The following EVC variants were observed in gnomAD, a reference collection of about 807,000 sequenced individuals.
The protein encoded by EVC is EvC ciliary complex subunit 1.
Under a neutral mutation model 118.9 loss-of-function variants are expected in EVC, and 116 were observed. The observed-to-expected ratio is 0.98, with a 90% confidence interval of 0.84 to 1.14. The LOEUF is 1.14. Among genes scored for constraint, EVC ranks in the 50% most tolerant of loss-of-function variants. EVC has a pLI of 0.00. For missense variants in EVC, 1,401 were observed against 1,246.4 expected (o/e 1.12, Z -1.87); for synonymous variants, 619 against 534.7 (o/e 1.16, Z -2.18).
intron 2 of EVC, among the ~76,000 whole-genome samples, chr4:5,727,029 T>G (rs1442086818): frequency 6.6e-6 from 1 of 152,124 alleles, no homozygotes; most frequent in Admixed American, 6.5e-5. Context: ...CCGCAATAAA[T>G]ATACATGTGC....
chr4:5,728,482 A>G (rs7375490), intron 2 of EVC, among the ~76,000 whole-genome samples: 18,983 of 151,554 alleles, frequency 0.13, 1,368 homozygotes, highest in East Asian at 0.29. Context: ...GGCTGAGACA[A>G]TGGGGTTTTC....
chr4:5,815,205 C>T (rs1417656869), downstream of EVC, among the ~76,000 whole-genome samples: 4 of 152,056 alleles, frequency 2.6e-5, no homozygotes, highest in African/African-American at 9.7e-5. Context: ...TAAGCCCACT[C>T]CCGGGTCTCG....
Position 5,719,355 on chromosome 4 carries a change from G to T in EVC, c.282G>T (p.Lys94Asn). ...RRRKREVQMS[K>N]DKEAVDECEP... ...GGAAGAGAGAAGTGCAGATGTCGAA[G>T]GACAAGGAAGCTGTTGATGTAAGCT... Residue 94 changes from lysine to asparagine, a missense_variant, in exon 2 of 21, where the codon AAG (lysine) becomes AAT (asparagine). By Grantham distance (94) the Lys-to-Asn change is moderately conservative. Coordinates refer to ENST00000264956, the MANE Select transcript of EVC (RefSeq NM_153717.3). This position sits in a 1 kb window ranked among gnomAD's most constrained non-coding sequence, Gnocchi z 4.7. 2 of 1,614,184 alleles carry T rather than the reference G, an allele frequency of 1.2e-6. No individual in the cohort carries two copies. The highest frequency in any genetic ancestry group is 2.7e-5 in the African/African-American group (2 of 75,040).
chr4:5,721,323 C>T (rs962352118), intron 2 of EVC, among the ~76,000 whole-genome samples: 1 of 152,014 alleles, frequency 6.6e-6, no homozygotes, highest in African/African-American at 2.4e-5. Context: ...GGTTATTTGG[C>T]CATAAAATAA....
At position 5,762,694 on chromosome 4, in the gene EVC, T is replaced by A. The variant is rs1439399172; in HGVS notation, c.1563+6332T>A. ...TTCATGTGTTTTTTGGCTGCATAAA[T>A]GTCTTCTTTTGAGAAGTGTCTGTTC... is the stretch of plus-strand genomic sequence containing the variant. On this transcript the variant is annotated intron_variant, in intron 11 of 20. Transcript: ENST00000264956. 2.2e-3 allele frequency among the ~76,000 whole-genome samples: 316 copies of A among 143,768 alleles called. 1 individual carries two copies. Among genetic ancestry groups the A allele is most frequent in the African/African-American group, 8.0e-3 (307 of 38,420 alleles). The allele number at this position is 143,768 out of a possible 152,430, so 94.3% of individuals were successfully genotyped here.
intron 11 of EVC, among the ~76,000 whole-genome samples, chr4:5,777,508 C>A (rs1430544702): frequency 6.6e-6 from 1 of 152,150 alleles, no homozygotes; most frequent in Non-Finnish European, 1.5e-5. Flanking sequence ...TAGGTAAAAG[C>A]CGCCCAAAGA....
At chr4:5,711,891 G>A (rs1159983035) in intron 1 of EVC, among the ~76,000 whole-genome samples, 1 of 152,192 alleles carries the variant, frequency 6.6e-6, no homozygotes, top group Non-Finnish European at 1.5e-5. Flanking sequence ...ACAGAAGGAC[G>A]GCTGGGGCTC....
At chr4:5,729,899 G>A (rs184794400) in intron 3 of EVC, among the ~76,000 whole-genome samples, 2 of 152,304 alleles carry the variant, frequency 1.3e-5, no homozygotes, top group East Asian at 1.9e-4. Context: ...CACGTGACAG[G>A]AAGTGGCAGA....
chr4:5,716,711 G>A (rs1448439208), intron 1 of EVC, among the ~76,000 whole-genome samples: 1 of 152,162 alleles, frequency 6.6e-6, no homozygotes, highest in Non-Finnish European at 1.5e-5. Context: ...TTACCTTCTT[G>A]CTTATCAAGT....
At chr4:5,752,190 C>T (rs527917561) in intron 8 of EVC, among the ~76,000 whole-genome samples, 53 of 152,174 alleles carry the variant, frequency 3.5e-4, no homozygotes, top group African/African-American at 1.2e-3. Context: ...GCCGTCCGCT[C>T]CTCCTTTCCC....
Position 5,756,473 on chromosome 4 carries a change from A to G in EVC, c.1563+111A>G, listed in dbSNP as rs1731193455. 1 of 858,564 alleles carries G rather than the reference A, an allele frequency of 1.2e-6. No homozygotes were observed. Among genetic ancestry groups the G allele is most frequent in the African/African-American group, 1.7e-5 (1 of 60,016 alleles). 53.2% of individuals were successfully genotyped at this position (858,564 alleles called of 1,614,324 possible). ...AGAGGTGGTTCAGGTCCAACCCCGC[A>G]CTCATTGGCCGGTGATCCACGCAGG... On this transcript the variant is annotated intron_variant, in intron 11 of 20. Coordinates refer to ENST00000264956, the MANE Select transcript of EVC (RefSeq NM_153717.3). This position sits in a 1 kb window ranked among gnomAD's most constrained non-coding sequence, Gnocchi z 4.2.
chr4:5,793,704 G>C lies in EVC; in HGVS notation c.1873G>C (p.Gly625Arg). ...CCGCGGCGTCTTGGGCCGACTGGGC[G>C]GCCTCACTGAAGAGTGAGTACAGCT... ...TIRGVLGRLG[G>R]LTEESTRCVL... The change falls in exon 13 of 21, where the codon GGC (glycine) becomes CGC (arginine). Residue 625 changes from glycine (G) to arginine (R), a missense_variant. Transcript: ENST00000264956. 2 of 1,550,314 alleles carry C rather than the reference G, an allele frequency of 1.3e-6. No homozygotes were observed. Among genetic ancestry groups the C allele is most frequent in the Non-Finnish European group, 1.7e-6 (2 of 1,147,144 alleles).
At chr4:5,711,675 A>G (rs977722105) in intron 1 of EVC, 121 bp downstream of exon 1, 1 of 842,632 alleles carries the variant, frequency 1.2e-6, no homozygotes. Flanking sequence ...TTCGCACGCA[A>G]CCGCTTAGGC....
intron 11 of EVC, among the ~76,000 whole-genome samples, chr4:5,780,700 G>T (rs981481532): frequency 6.6e-6 from 1 of 152,174 alleles, no homozygotes; most frequent in African/African-American, 2.4e-5. Context: ...AAGGTTGGTG[G>T]GTGCTGGAAG....
intron 15 of EVC, among the ~76,000 whole-genome samples, chr4:5,800,576 ACTTTACTGT>A (rs1483644964): frequency 1.4e-4 from 21 of 152,190 alleles, no homozygotes; most frequent in Non-Finnish European, 2.5e-4. Flanking sequence ...GGTGTCCGCC[ACTTTACTGT>A]GGCAGGAAGG....
Position 5,798,882 on chromosome 4 carries a change from C to G in EVC, c.2304+90C>G. 2 of 1,381,128 alleles carry G rather than the reference C, an allele frequency of 1.4e-6. No homozygotes were observed. The allele number at this position is 1,381,128 out of a possible 1,614,324, so 85.6% of individuals were successfully genotyped here. A position where few individuals can be genotyped will look rare whatever the true frequency, so the allele number is the denominator to read the frequency against. On this transcript the variant is annotated intron_variant, in intron 15 of 20. Transcript: ENST00000264956. The surrounding 1 kb of genome is among the most constrained non-coding windows in gnomAD (Gnocchi z 4.1). Reference sequence around the variant, plus strand: ...TGGGTCTGCTCCTTGCCACACCGTTCATGGAGCTTGTGGCCTAGTAGACTT... The same window carrying G: ...TGGGTCTGCTCCTTGCCACACCGTTGATGGAGCTTGTGGCCTAGTAGACTT...
chr4:5,747,408 G>C (rs1211688947), intron 7 of EVC, among the ~76,000 whole-genome samples: 1 of 152,148 alleles, frequency 6.6e-6, no homozygotes, highest in Admixed American at 6.5e-5. Context: ...CTGGGTCCAT[G>C]ACCTCTGACA....
chr4:5,768,940 TGCTG>T (rs889407093), intron 11 of EVC, among the ~76,000 whole-genome samples: 2 of 152,214 alleles, frequency 1.3e-5, no homozygotes, highest in African/African-American at 4.8e-5. Flanking sequence ...TACCCTGCCT[TGCTG>T]GCTGGCTGGC....
At chr4:5,822,311 A>T in the EVC span, among the ~76,000 whole-genome samples, 1 of 152,200 alleles carries the variant, frequency 6.6e-6, no homozygotes. Context: ...GGAAGCCAGG[A>T]TTGAAGCCCA....
Sources: gnomAD v4.1 joint callset for allele counts (sites outside exome capture counted in the v4.1 genomes callset) on GRCh38, gnomAD v4.1.1 for gene constraint, Gnocchi (gnomAD v3.1) non-coding constraint, MANE v1.5 for transcripts, NCBI Gene and HGNC (gene_info 2026-07-23, HGNC 2026-07-21) for gene names.